Variants in ZMIZ1 observed in about 807,000 individuals in gnomAD.
The protein encoded by ZMIZ1 is zinc finger MIZ-type containing 1.
A neutral mutation model predicts 113.9 loss-of-function variants in ZMIZ1; 17 were observed. The ratio of observed to expected loss-of-function variants is 0.15; its 90% CI spans 0.10 to 0.22. ZMIZ1 has a LOEUF of 0.22. Among genes scored for constraint, ZMIZ1 ranks in the 10% least tolerant of loss-of-function variants. The pLI, the probability that ZMIZ1 is intolerant of heterozygous loss-of-function variation, is 1.00. For missense variants in ZMIZ1, 1,059 were observed against 1,477.8 expected (o/e 0.72, Z 4.65); for synonymous variants, 607 against 603.1 (o/e 1.01, Z -0.09).
chr10:79,292,439 T>C, intron 11 of ZMIZ1, 83 bp downstream of exon 11: 1 of 1,532,634 alleles, frequency 6.5e-7, no homozygotes, highest in East Asian at 2.3e-5. Context: ...GGGATGTCAG[T>C]GCTTATGGGG....
At chr10:79,228,610 G>A (rs141098431) in intron 7 of ZMIZ1, among the ~76,000 whole-genome samples, 245 of 152,368 alleles carry the variant, frequency 1.6e-3, no homozygotes, top group African/African-American at 5.4e-3. Context: ...GAGCTGCCCA[G>A]GTCAGCATGC....
intron 3 of ZMIZ1, among the ~76,000 whole-genome samples, chr10:79,149,855 G>A (rs908310805): frequency 5.3e-5 from 8 of 152,322 alleles, no homozygotes; most frequent in African/African-American, 1.7e-4. Context: ...AGGGGCCCCC[G>A]CTCAGCTGTG....
At chr10:79,279,975 GA>G (rs1852608476) in intron 8 of ZMIZ1, among the ~76,000 whole-genome samples, 1 of 149,648 alleles carries the variant, frequency 6.7e-6, no homozygotes, top group African/African-American at 2.5e-5. Flanking sequence ...GGGGGAGGGA[GA>G]GGGGTATTAT....
intron 4 of ZMIZ1, among the ~76,000 whole-genome samples, chr10:79,183,880 T>A (rs190387090): frequency 2.0e-5 from 3 of 152,328 alleles, no homozygotes; most frequent in Admixed American, 6.5e-5. Flanking sequence ...AGACCAGGGC[T>A]GGAATCCCAG....
rs770776203 is a variant in ZMIZ1, at chr10:79,208,384, G to C, written c.109G>C (p.Asp37His). 3 of 1,614,170 alleles carry C rather than the reference G, an allele frequency of 1.9e-6. No homozygotes were observed. The highest frequency in any genetic ancestry group is 2.5e-6 in the Non-Finnish European group (3 of 1,180,044). ...CCACAATGCCGCCACGGAGCTGCTGGACTGGTGCGGAGACCCACGGGCCTT... is the reference window on the plus strand; with the variant it reads ...CCACAATGCCGCCACGGAGCTGCTGCACTGGTGCGGAGACCCACGGGCCTT... ...NFHNAATELL[D>H]WCGDPRAFQR... Residue 37 changes from aspartate to histidine, a missense_variant, in exon 6 of 25, where the codon GAC (aspartate) becomes CAC (histidine). Transcript: ENST00000334512.
intron 6 of ZMIZ1, 58 bp downstream of exon 6, chr10:79,208,507 C>T (rs567148612): frequency 8.3e-6 from 12 of 1,442,950 alleles, no homozygotes; most frequent in African/African-American, 5.6e-5. Context: ...TGAGTGCTAG[C>T]GTGCCTGTCC....
intron 4 of ZMIZ1, among the ~76,000 whole-genome samples, chr10:79,168,213 C>G (rs1846440714): frequency 6.6e-6 from 1 of 152,226 alleles, no homozygotes; most frequent in East Asian, 1.9e-4. Flanking sequence ...ATGGAAGGTT[C>G]AGGTGCTCGT....
In ZMIZ1 at chr10:79,293,470, G is replaced by A. The variant is rs202049737; in HGVS notation, c.1047G>A (p.Ala349=). Reference sequence around the variant, plus strand: ...CCATGGGGGGCAGCATGAACCCCGCGAGCATGGCGGCTGGCATGACGCCCT... The same window carrying A: ...CCATGGGGGGCAGCATGAACCCCGCAAGCATGGCGGCTGGCATGACGCCCT... ...PASMGGSMNP[A]SMAAGMTPSG... is the part of the protein sequence containing the mutation. Residue 349 remains alanine, a synonymous_variant, in exon 12 of 25, where the codon GCG becomes GCA. Coordinates refer to ENST00000334512, the MANE Select transcript of ZMIZ1 (RefSeq NM_020338.4). 8.9e-5 allele frequency: 140 copies of A among 1,566,066 alleles called. 1 individual carries two copies. In the East Asian group the frequency reaches 3.0e-3, roughly 33 times the overall value.
intron 7 of ZMIZ1, 142 bp downstream of exon 7, chr10:79,216,416 A>G (rs1848731635): frequency 1.6e-6 from 1 of 639,650 alleles, no homozygotes; most frequent in African/African-American, 1.9e-5. Flanking sequence ...AGAGCAACTC[A>G]TCCACCAGGC....
At chr10:79,077,238 C>G (rs1293046815) in intron 1 of ZMIZ1, among the ~76,000 whole-genome samples, 1 of 151,952 alleles carries the variant, frequency 6.6e-6, no homozygotes, top group African/African-American at 2.4e-5. Context: ...GGACCTTGAC[C>G]GCCGCTGGGA....
chr10:79,182,369 G>A lies in ZMIZ1; in HGVS notation c.-49-19215G>A, dbSNP rs549759046. Among the ~76,000 whole-genome samples, 23 of 152,284 alleles carry A rather than the reference G, an allele frequency of 1.5e-4. No homozygotes were observed. In the South Asian group the frequency reaches 4.8e-3, roughly 32 times the overall value. Reference sequence around the variant, plus strand: ...TGCCCACCTCCAGGAGAAGGTGGGGGCCAGGAGTATCGACTGGGTGACTGC... The same window carrying A: ...TGCCCACCTCCAGGAGAAGGTGGGGACCAGGAGTATCGACTGGGTGACTGC... On this transcript the variant is annotated intron_variant, in intron 4 of 24. Transcript: ENST00000334512.
At chr10:79,191,134 C>T (rs1487257827) in intron 4 of ZMIZ1, among the ~76,000 whole-genome samples, 1 of 152,108 alleles carries the variant, frequency 6.6e-6, no homozygotes, top group African/African-American at 2.4e-5. Context: ...CATACCAGAG[C>T]ATTACCATCC....
At chr10:79,156,081 C>CTCTTTACCTCT (rs1182832161) in intron 3 of ZMIZ1, among the ~76,000 whole-genome samples, 56 of 151,302 alleles carry the variant, frequency 3.7e-4, no homozygotes, top group African/African-American at 1.3e-3. Flanking sequence ...CCCACCCCTA[C>CTCTTTACCTCT]TCTTTACCTC....
At chr10:79,254,621 C>T (rs544326203) in intron 7 of ZMIZ1, among the ~76,000 whole-genome samples, 8 of 152,376 alleles carry the variant, frequency 5.3e-5, no homozygotes, top group Non-Finnish European at 8.8e-5. Context: ...TCAGGCAGGT[C>T]TGGGTGACCA....
chr10:79,171,445 C>T (rs1392602040), intron 4 of ZMIZ1, among the ~76,000 whole-genome samples: 1 of 152,228 alleles, frequency 6.6e-6, no homozygotes, highest in Non-Finnish European at 1.5e-5. Flanking sequence ...ACAGCACCCA[C>T]CTTCAGGCCT....
rs114332641 is a variant in ZMIZ1 at position 79,070,898 on chromosome 10, C to T, written c.-337+1628C>T. 9.0e-3 allele frequency among the ~76,000 whole-genome samples: 1,372 copies of T among 152,000 alleles called. 18 individuals carry two copies. The highest frequency in any genetic ancestry group is 0.032 in the African/African-American group (1,315 of 41,508). ...CGCGCGCTCTCCCCCTTCTCCTCTC[C>T]CCTGACTGCTTTTCCAATGCCCTGA... On this transcript the variant is annotated intron_variant, in intron 1 of 24. Transcript: ENST00000334512.
chr10:79,217,491 T>A (rs149463551), intron 7 of ZMIZ1, among the ~76,000 whole-genome samples: 1 of 152,272 alleles, frequency 6.6e-6, no homozygotes, highest in Non-Finnish European at 1.5e-5. Flanking sequence ...TAACATTCCT[T>A]ATGGAGTCAG....
intron 6 of ZMIZ1, among the ~76,000 whole-genome samples, chr10:79,209,241 A>C (rs1214092237): frequency 1.3e-5 from 2 of 152,132 alleles, no homozygotes; most frequent in Non-Finnish European, 1.5e-5. Flanking sequence ...CTTGGGGCAC[A>C]TGGAACAGCA....
At chr10:79,148,509 G>A (rs1478581690) in intron 3 of ZMIZ1, among the ~76,000 whole-genome samples, 1 of 152,234 alleles carries the variant, frequency 6.6e-6, no homozygotes, top group Non-Finnish European at 1.5e-5. Context: ...CAATCTGGAA[G>A]AGTCCCACAG....
Sources: allele counts gnomAD v4.1 joint callset (sites outside exome capture counted in the v4.1 genomes callset), GRCh38; gene constraint gnomAD v4.1.1; transcripts MANE v1.5; gene names NCBI Gene and HGNC (gene_info 2026-07-23, HGNC 2026-07-21).